The following MTCL2 variants were observed in gnomAD, a reference collection of about 807,000 sequenced individuals.
MTCL2 encodes microtubule cross-linking factor 2.
chr20:36,780,886 G>A, the MTCL2 span: 1 of 152,168 alleles, frequency 6.6e-6, no homozygotes, highest in Non-Finnish European at 1.5e-5. Flanking sequence ...AAGGATACAT[G>A]CTATAAATTA....
the MTCL2 span, among the ~76,000 whole-genome samples, chr20:36,818,568 G>T: frequency 6.6e-6 from 1 of 152,328 alleles, no homozygotes; most frequent in South Asian, 2.1e-4. Flanking sequence ...GGGAGGCTGA[G>T]GTGAGAGGAT....
chr20:36,794,434 C>T, the MTCL2 span: 2 of 1,614,046 alleles, frequency 1.2e-6, no homozygotes, highest in Non-Finnish European at 1.7e-6. This position sits in a 1 kb window ranked among gnomAD's most constrained non-coding sequence, Gnocchi z 5.4. Flanking sequence ...TCGACGAGAG[C>T]CCAGGCTTCT....
chr20:36,828,929 C>T, the MTCL2 span: 1 of 1,032,240 alleles, frequency 9.7e-7, no homozygotes, highest in Non-Finnish European at 1.4e-6. Context: ...GAATAAACAA[C>T]CTTGCCAGGG....
the MTCL2 span, chr20:36,785,112 A>G: frequency 1.0e-6 from 1 of 985,446 alleles, no homozygotes; most frequent in Non-Finnish European, 1.2e-6. Context: ...GGGGCTGGCC[A>G]AGTACCAGGC....
the MTCL2 span, chr20:36,785,597 C>T: frequency 5.9e-3 from 5,790 of 985,380 alleles, 305 homozygotes; most frequent in African/African-American, 0.094. Context: ...GTAGTGCCTG[C>T]TGCCTCTCAG....
chr20:36,846,734 C>T, the MTCL2 span, among the ~76,000 whole-genome samples: 2 of 152,088 alleles, frequency 1.3e-5, no homozygotes, highest in African/African-American at 2.4e-5. Context: ...TGGCCAGGCA[C>T]GGCGGCTCAC....
At chr20:36,823,001 C>T in the MTCL2 span, among the ~76,000 whole-genome samples, 1 of 152,206 alleles carries the variant, frequency 6.6e-6, no homozygotes, top group South Asian at 2.1e-4. Flanking sequence ...CCAAGTGATC[C>T]ACCCGCCTTG....
chr20:36,780,400 C>T, the MTCL2 span: 14 of 152,246 alleles, frequency 9.2e-5, no homozygotes, highest in African/African-American at 2.9e-4. Context: ...TGCAAATGTA[C>T]TTCGAGACAC....
At chr20:36,798,296 T>C in the MTCL2 span, among the ~76,000 whole-genome samples, 2 of 152,318 alleles carry the variant, frequency 1.3e-5, no homozygotes, top group Admixed American at 1.3e-4. Flanking sequence ...CTTGAACTCC[T>C]GACTCAGGTG....
At chr20:36,830,966 AG>A in the MTCL2 span, among the ~76,000 whole-genome samples, 432 of 152,298 alleles carry the variant, frequency 2.8e-3, no homozygotes, top group South Asian at 8.1e-3. Context: ...AAAATGACAA[AG>A]GGTGGGCAGA....
At chr20:36,787,936 C>T in the MTCL2 span, among the ~76,000 whole-genome samples, 4 of 145,528 alleles carry the variant, frequency 2.7e-5, no homozygotes, top group Non-Finnish European at 6.0e-5. Context: ...CATGGTGGCT[C>T]ACACCTGTAA....
the MTCL2 span, among the ~76,000 whole-genome samples, chr20:36,841,730 A>C: frequency 6.6e-6 from 1 of 151,962 alleles, no homozygotes; most frequent in Non-Finnish European, 1.5e-5. Context: ...ATGGGGTCTC[A>C]CTCTGTCACC....
chr20:36,831,138 G>A, the MTCL2 span, among the ~76,000 whole-genome samples: 1 of 152,216 alleles, frequency 6.6e-6, no homozygotes, highest in East Asian at 1.9e-4. Context: ...CAGGGATGAG[G>A]AAGGAAGGCC....
the MTCL2 span, among the ~76,000 whole-genome samples, chr20:36,805,076 G>A: frequency 6.6e-6 from 1 of 152,034 alleles, no homozygotes; most frequent in Non-Finnish European, 1.5e-5. Context: ...CCCAGCCCTG[G>A]CTACCTCCTA....
At chr20:36,808,535 C>T in the MTCL2 span, 54 of 1,602,434 alleles carry the variant, frequency 3.4e-5, no homozygotes, top group Admixed American at 4.5e-4. Context: ...ATCCCCTTCG[C>T]TGGGCAAAAC....
chr20:36,799,490 C>G, the MTCL2 span, among the ~76,000 whole-genome samples: 1 of 144,980 alleles, frequency 6.9e-6, no homozygotes, highest in Admixed American at 6.8e-5. Flanking sequence ...GAAACTCCAT[C>G]TCAAAAATAA....
chr20:36,786,355 T>C, the MTCL2 span: 10 of 1,336,970 alleles, frequency 7.5e-6, no homozygotes, highest in South Asian at 2.1e-5. Context: ...GGCAGTGGCA[T>C]CACTGCTGTC....
chr20:36,779,884 G>C, the MTCL2 span: 1 of 152,248 alleles, frequency 6.6e-6, no homozygotes, highest in Non-Finnish European at 1.5e-5. Flanking sequence ...GCATGGACCA[G>C]GGCCACTCCA....
the MTCL2 span, among the ~76,000 whole-genome samples, chr20:36,822,104 C>T: frequency 4.6e-5 from 7 of 152,246 alleles, no homozygotes; most frequent in Non-Finnish European, 1.0e-4. Flanking sequence ...CCACACAGCC[C>T]TGCCATTCTG....
Sources: gnomAD v4.1 joint callset for allele counts (sites outside exome capture counted in the v4.1 genomes callset) on GRCh38, gnomAD v4.1.1 for gene constraint, Gnocchi (gnomAD v3.1) non-coding constraint, MANE v1.5 for transcripts, NCBI Gene and HGNC (gene_info 2026-07-23, HGNC 2026-07-21) for gene names.